The following XRN1 variants were observed in gnomAD, a reference collection of about 807,000 sequenced individuals.
XRN1 encodes the protein strand-exchange protein 1 homolog.
Under a neutral mutation model 222.3 loss-of-function variants are expected in XRN1, and 67 were observed. That is an observed-to-expected ratio of 0.30 (90% confidence interval 0.25 to 0.37). The LOEUF (loss-of-function observed/expected upper bound fraction) is 0.37. Ranked by LOEUF, XRN1 falls within the 10% of genes least tolerant of loss-of-function variation. XRN1 has a pLI of 1.00. For missense variants in XRN1, 1,707 were observed against 2,000.2 expected (o/e 0.85, Z 2.80); for synonymous variants, 643 against 652.4 (o/e 0.99, Z 0.22).
intron 22 of XRN1, among the ~76,000 whole-genome samples, chr3:142,382,211 T>C (rs1276580568): frequency 6.6e-6 from 1 of 152,090 alleles, no homozygotes; most frequent in African/African-American, 2.4e-5. Context: ...CATGCAAATA[T>C]CCTGCTCCTG....
At position 142,356,879 on chromosome 3, in the gene XRN1, G is replaced by A. The variant is rs748479291; in HGVS notation, c.3672+33C>T. 23 of 1,581,514 alleles carry A rather than the reference G, an allele frequency of 1.5e-5. No individual in the cohort carries two copies. The Middle Eastern group carries it at 5.0e-4, about 34-fold the overall frequency. On this transcript the variant is annotated intron_variant, in intron 31 of 40. Coordinates refer to ENST00000392981, the MANE Select transcript of XRN1 (RefSeq NM_001282857.2). The stretch of plus-strand genomic sequence containing the variant: ...GCTGTGATTTGTGATTTGTAAAAGG[G>A]GTAGAGGAGAAGTTAAAGACTGAGA...
intron 29 of XRN1, among the ~76,000 whole-genome samples, chr3:142,361,990 A>T (rs2066652467): frequency 1.9e-5 from 2 of 102,724 alleles, no homozygotes; most frequent in Admixed American, 2.6e-4. Flanking sequence ...TTTTTTTGAG[A>T]CAGAGTCTTG....
At chr3:142,314,273 A>G (rs1341662372) in intron 39 of XRN1, among the ~76,000 whole-genome samples, 1 of 152,208 alleles carries the variant, frequency 6.6e-6, no homozygotes, top group Non-Finnish European at 1.5e-5. Context: ...CCTTTATAGG[A>G]CCAAAAGCAT....
chr3:142,420,919 G>A lies in XRN1; in HGVS notation c.1173+97C>T, dbSNP rs575905056. 6.0e-6 allele frequency: 9 copies of A among 1,508,950 alleles called. No individual in the cohort carries two copies. In the South Asian group the frequency reaches 9.4e-5, roughly 16 times the overall value. The allele number at this position is 1,508,950 out of a possible 1,614,324, so 93.5% of individuals were successfully genotyped here. A position where few individuals can be genotyped will look rare whatever the true frequency, so the allele number is the denominator to read the frequency against. The stretch of plus-strand genomic sequence containing the variant: ...ATAGAGAGGAAGAGAAATAAAACGA[G>A]GCAATCCCAAATCATAAGAAGGAAA... On this transcript the variant is annotated intron_variant, in intron 10 of 40. Transcript: ENST00000392981.
intron 32 of XRN1, among the ~76,000 whole-genome samples, chr3:142,351,982 C>G (rs1043611391): frequency 2.6e-5 from 4 of 151,466 alleles, no homozygotes; most frequent in Middle Eastern, 3.5e-3. Context: ...ACCACCATTC[C>G]TCAGGCATAT....
At chr3:142,333,934 C>A (rs568017271) in intron 34 of XRN1, among the ~76,000 whole-genome samples, 1 of 152,256 alleles carries the variant, frequency 6.6e-6, no homozygotes, top group African/African-American at 2.4e-5. Context: ...TGATCTTGGA[C>A]TTCTCAGATT....
chr3:142,321,910 G>A (rs1053731638), intron 37 of XRN1, among the ~76,000 whole-genome samples: 4 of 152,036 alleles, frequency 2.6e-5, no homozygotes, highest in African/African-American at 7.2e-5. Flanking sequence ...ATCTGCAAAC[G>A]GATACTGCTT....
chr3:142,332,438 CAG>C lies in XRN1; in HGVS notation c.4157_4158del (p.Pro1386ArgfsTer4). Reference sequence around the variant, plus strand: ...TATTCATCTCTTCTGTTAGAGGAAACAGGGATTTCATTAGCAATCTGTTTGAT... The same window carrying C: ...TATTCATCTCTTCTGTTAGAGGAAACGGATTTCATTAGCAATCTGTTTGAT... ...NEIKQIANEI[P>X]VSSNRRDEYG... is the part of the protein sequence containing the mutation. On this transcript the variant is annotated frameshift_variant, in exon 36 of 41. Transcript: ENST00000392981. LOFTEE classifies it high-confidence loss of function. The C allele has an allele frequency of 1.2e-6, 2 of 1,613,186 alleles. No individual in the cohort carries two copies. Among genetic ancestry groups the C allele is most frequent in the Non-Finnish European group, 1.7e-6 (2 of 1,179,452 alleles).
chr3:142,311,713 T>C lies in XRN1; in HGVS notation c.4883A>G (p.Asn1628Ser), dbSNP rs574844686. 3.7e-6 allele frequency: 6 copies of C among 1,614,042 alleles called. No individual in the cohort carries two copies. Among genetic ancestry groups the C allele is most frequent in the Admixed American group, 1.7e-5 (1 of 59,992 alleles). Residue 1628 changes from asparagine (N) to serine (S), a missense_variant, in exon 41 of 41, where the codon AAC becomes AGC. By Grantham distance (46) the Asn-to-Ser change is conservative. Transcript: ENST00000392981. ...CTCCCGTGGACTTACTTTGACAATG[T>C]TGGAAGAATCTGGCTGGCTAGTCTG... ...PVQTSQPDSS[N>S]IVKVSPRESS...
At chr3:142,391,752 ATATAT>A (rs1559843426) in intron 20 of XRN1, among the ~76,000 whole-genome samples, 161 of 49,918 alleles carry the variant, frequency 3.2e-3, no homozygotes, top group Non-Finnish European at 4.3e-3. Flanking sequence ...AAAAAAAAAT[ATATAT>A]ATATATATAT....
chr3:142,387,965 T>C (rs1447892788), intron 20 of XRN1, among the ~76,000 whole-genome samples: 1 of 152,202 alleles, frequency 6.6e-6, no homozygotes, highest in Non-Finnish European at 1.5e-5. Flanking sequence ...GGAAGCTTCC[T>C]AAGGCCCTTA....
intron 20 of XRN1, among the ~76,000 whole-genome samples, chr3:142,392,341 A>G (rs901711231): frequency 1.3e-4 from 13 of 100,680 alleles, no homozygotes; most frequent in African/African-American, 5.1e-4. Flanking sequence ...TTTTTTTTTT[A>G]TTATACTTTA....
Position 142,414,240 on chromosome 3 carries a change from A to G in XRN1, c.1488T>C (p.Ser496=). The change falls in exon 14 of 41, where the codon AGT becomes AGC. Residue 496 remains serine, a synonymous_variant. Transcript: ENST00000392981. Reference sequence around the variant, plus strand: ...CTAGTTCAAAATGGATTTTGAGTGTACTGATGTTGTGTATATCAGACAGGA... The same window carrying G: ...CTAGTTCAAAATGGATTTTGAGTGTGCTGATGTTGTGTATATCAGACAGGA... The part of the protein sequence containing the change: ...APFLSDIHNI[S]TLKIHFELGK... 2 of 1,613,916 alleles carry G rather than the reference A, an allele frequency of 1.2e-6. No homozygotes were observed.
At chr3:142,437,348 T>C (rs189054048) in intron 1 of XRN1, among the ~76,000 whole-genome samples, 4 of 152,336 alleles carry the variant, frequency 2.6e-5, no homozygotes, top group Admixed American at 1.3e-4. Context: ...CTTTTCTCTA[T>C]GCCCAGATCT....
chr3:142,311,330 C>A lies in XRN1; in HGVS notation c.*181G>T. Reference sequence around the variant, plus strand: ...ACAAACTGCACATACTTAAAGTGCACAATTTGATACACAGTCTTTTAAACA... The same window carrying A: ...ACAAACTGCACATACTTAAAGTGCAAAATTTGATACACAGTCTTTTAAACA... On this transcript the variant is annotated 3_prime_UTR_variant, in exon 41 of 41. Coordinates refer to ENST00000392981, the MANE Select transcript of XRN1 (RefSeq NM_001282857.2). 2.0e-6 allele frequency: 1 copy of A among 502,108 alleles called. No individual in the cohort carries two copies. The highest frequency in any genetic ancestry group is 3.3e-5 in the East Asian group (1 of 30,628). 31.1% of individuals were successfully genotyped at this position (502,108 alleles called of 1,614,324 possible).
rs185717662 is a variant in XRN1, at chr3:142,380,189, A to G, written c.2617-9T>C. On this transcript the variant is annotated splice_polypyrimidine_tract_variant and intron_variant, in intron 22 of 40. Transcript: ENST00000392981. ...TCACCTGAATCCTGAACCTTAGAAG[A>G]AAAAAAAATCACAGTATAGTCTCTT... 4.9e-4 allele frequency: 781 copies of G among 1,594,458 alleles called. No homozygotes were observed. The highest frequency in any genetic ancestry group is 1.0e-3 in the Middle Eastern group (6 of 5,966).
At chr3:142,370,761 C>T in intron 26 of XRN1, 141 bp from the exon 27 acceptor site, 3 of 606,354 alleles carry the variant, frequency 4.9e-6, no homozygotes, top group Non-Finnish European at 7.9e-6. Flanking sequence ...TAAATATGGA[C>T]ATGTTACCTC....
At chr3:142,418,014 T>A (rs912629586) in intron 12 of XRN1, 4 of 152,886 alleles carry the variant, frequency 2.6e-5, no homozygotes, top group African/African-American at 9.6e-5. Context: ...TTTTTTAAGG[T>A]TAATGAGAGC....
At position 142,431,858 on chromosome 3, in the gene XRN1, ATATATAATATATTATAT is replaced by A. The variant is rs1490564599; in HGVS notation, c.308+786_308+802del. On this transcript the variant is annotated intron_variant, in intron 2 of 40. Coordinates refer to ENST00000392981, the MANE Select transcript of XRN1 (RefSeq NM_001282857.2). The stretch of plus-strand genomic sequence containing the variant: ...TATAATATTAAAAAATATATATATT[ATATATAATATATTATAT>A]TATATATATTATATATAATATATAT... 2.8e-3 allele frequency among the ~76,000 whole-genome samples: 99 copies of A among 34,882 alleles called. 2 individuals carry two copies. The highest frequency in any genetic ancestry group is 0.023 in the African/African-American group (98 of 4,326). The allele number at this position is 34,882 out of a possible 152,430, so 22.9% of individuals were successfully genotyped here.
Sources: allele counts gnomAD v4.1 joint callset (sites outside exome capture counted in the v4.1 genomes callset), GRCh38; gene constraint gnomAD v4.1.1; transcripts MANE v1.5; gene names NCBI Gene and HGNC (gene_info 2026-07-23, HGNC 2026-07-21).